The following RRP1 variants were observed in gnomAD, a reference collection of about 807,000 sequenced individuals.
RRP1 encodes the protein ribosomal RNA processing 1, also known as ribosomal RNA processing protein 1 homolog A.
RRP1 carries 37 observed loss-of-function variants against 54.6 expected under a neutral mutation model. The observed-to-expected ratio is 0.68, with a 90% CI of 0.52 to 0.89. The LOEUF is 0.89. RRP1 is among the 40% of genes least tolerant of loss of function. The pLI is 0.00. For missense variants in RRP1, 639 were observed against 612.5 expected, an observed-to-expected ratio of 1.04 and a Z score of -0.46; for synonymous variants, 262 against 244.3, an observed-to-expected ratio of 1.07 and a Z score of -0.67.
rs148406102 is a variant in RRP1 at position 43,792,596 on chromosome 21, T to G, written c.217-76T>G. ...ATGAGTGAGTGAGTGAGTGGGTGAG[T>G]GGGTGGTTGCGTGTGTGTCATTGTG... is the stretch of plus-strand genomic sequence containing the variant. On this transcript the variant is annotated intron_variant, in intron 2 of 12. Transcript: ENST00000497547. 2,275 of 1,384,632 alleles carry G rather than the reference T, an allele frequency of 1.6e-3. 34 individuals carry two copies. The African/African-American group carries it at 0.028, about 17-fold the overall frequency. The allele number at this position is 1,384,632 out of a possible 1,614,324, so 85.8% of individuals were successfully genotyped here. A position where few individuals can be genotyped will look rare whatever the true frequency, so the allele number is the denominator to read the frequency against.
At chr21:43,800,231 G>A (rs190124405) in intron 9 of RRP1, among the ~76,000 whole-genome samples, 62 of 152,380 alleles carry the variant, frequency 4.1e-4, no homozygotes, top group African/African-American at 1.0e-3. Flanking sequence ...GCTGCAGGCA[G>A]GCTACCGGCG....
rs183069899 is a variant in RRP1, at chr21:43,792,029, A to G, written c.216+597A>G. 1.9e-3 allele frequency among the ~76,000 whole-genome samples: 293 copies of G among 152,332 alleles called. 2 individuals carry two copies. Among genetic ancestry groups the G allele is most frequent in the African/African-American group, 6.7e-3 (280 of 41,572 alleles). On this transcript the variant is annotated intron_variant, in intron 2 of 12. Transcript: ENST00000497547. ...AACAAGTGCTGAAATAGTGGAAACCACGGGGCGGAATTCAAGTCTCCTGAG... is the reference window on the plus strand; with the variant it reads ...AACAAGTGCTGAAATAGTGGAAACCGCGGGGCGGAATTCAAGTCTCCTGAG...
chr21:43,790,768 TG>T (rs2084948603), intron 1 of RRP1: 1 of 294,730 alleles, frequency 3.4e-6, no homozygotes, highest in African/African-American at 2.2e-5. Flanking sequence ...TTGTATTTTT[TG>T]TACAAATTGG....
At chr21:43,790,286 G>A (rs889067432) in intron 1 of RRP1, among the ~76,000 whole-genome samples, 1 of 152,204 alleles carries the variant, frequency 6.6e-6, no homozygotes, top group Non-Finnish European at 1.5e-5. Context: ...GTTCTATGCC[G>A]GGCGCAGTGG....
chr21:43,794,928 C>T (rs3819604), intron 4 of RRP1, among the ~76,000 whole-genome samples: 1 of 136,882 alleles, frequency 7.3e-6, no homozygotes, highest in African/African-American at 2.5e-5. Context: ...TTACCCCCGA[C>T]CCCCCATGCA....
At chr21:43,798,187 T>G in intron 8 of RRP1, 87 bp downstream of exon 8, 1 of 1,142,052 alleles carries the variant, frequency 8.8e-7, no homozygotes, top group Non-Finnish European at 1.2e-6. Context: ...TCCTGCCACC[T>G]CCTACCTGGT....
At chr21:43,794,585 C>T (rs1286039518) in intron 4 of RRP1, among the ~76,000 whole-genome samples, 2 of 152,128 alleles carry the variant, frequency 1.3e-5, no homozygotes, top group Admixed American at 6.5e-5. Context: ...CAGCTCAGAC[C>T]CCACTCTGGG....
At chr21:43,799,367 C>T (rs1229290624) in intron 8 of RRP1, among the ~76,000 whole-genome samples, 1 of 151,018 alleles carries the variant, frequency 6.6e-6, no homozygotes, top group Non-Finnish European at 1.5e-5. Context: ...TCACATGGCA[C>T]CTAGTATCTG....
At chr21:43,789,876 CG>C in intron 1 of RRP1, 114 bp downstream of exon 1, 1 of 1,278,962 alleles carries the variant, frequency 7.8e-7, no homozygotes, top group Non-Finnish European at 1.0e-6. Context: ...TCCACGTGGC[CG>C]GGCCGGGCAG....
At chr21:43,801,825 C>T (rs916836150) in intron 11 of RRP1, among the ~76,000 whole-genome samples, 15 of 152,164 alleles carry the variant, frequency 9.9e-5, no homozygotes, top group Admixed American at 5.9e-4. Flanking sequence ...ACAGGTTGAG[C>T]GTCTCTAATC....
At chr21:43,800,649 C>A in intron 10 of RRP1, 35 bp downstream of exon 10, 1 of 1,600,082 alleles carries the variant, frequency 6.2e-7, no homozygotes, top group South Asian at 1.1e-5. Flanking sequence ...CTCCCTGCTC[C>A]CCTTGGAGTT....
At chr21:43,800,438 G>A in intron 9 of RRP1, 79 bp from the exon 10 acceptor site, 4 of 1,327,946 alleles carry the variant, frequency 3.0e-6, no homozygotes, top group Non-Finnish European at 4.3e-6. Context: ...AGTGCTATCT[G>A]GGTCTCAGGG....
rs1280600875 is a variant in RRP1 at position 43,805,168 on chromosome 21, C to G, written c.*1394C>G. 6.6e-6 allele frequency: 1 copy of G among 151,506 alleles called. No individual in the cohort carries two copies. The highest frequency in any genetic ancestry group is 6.6e-5 in the Admixed American group (1 of 15,156). 9.4% of individuals were successfully genotyped at this position (151,506 alleles called of 1,614,324 possible). ...GCACATGCCTGTAATCCCAGCTACT[C>G]GGGAGGCTGAGGCAGGAGAATTGCT... On this transcript the variant is annotated 3_prime_UTR_variant, in exon 13 of 13. Coordinates refer to ENST00000497547, the MANE Select transcript of RRP1 (RefSeq NM_003683.6).
intron 5 of RRP1, among the ~76,000 whole-genome samples, chr21:43,795,865 G>T (rs1382677260): frequency 6.6e-6 from 1 of 152,218 alleles, no homozygotes; most frequent in Non-Finnish European, 1.5e-5. Flanking sequence ...AAATTGGCTG[G>T]GCGCGGTGGC....
rs2070540 is a variant in RRP1, at chr21:43,804,227, A to G, written c.*453A>G. On this transcript the variant is annotated 3_prime_UTR_variant, in exon 13 of 13. Transcript: ENST00000497547. This position sits in a 1 kb window ranked among gnomAD's most constrained non-coding sequence, Gnocchi z 4.3. ...TGCAAGACATTTCTCCTTTCACAGA[A>G]CTGCCCAGGTGTTAACAGGGCTGTC... is the stretch of plus-strand genomic sequence containing the variant. 8,360 of 157,718 alleles carry G rather than the reference A, an allele frequency of 0.053. 299 individuals carry two copies. The highest frequency in any genetic ancestry group is 0.15 in the South Asian group (785 of 5,272). The allele number at this position is 157,718 out of a possible 1,614,324, so 9.8% of individuals were successfully genotyped here.
Position 43,803,928 on chromosome 21 carries a change from C to A in RRP1, c.*154C>A. The A allele has an allele frequency of 1.1e-6, 1 of 891,630 alleles. No individual in the cohort carries two copies. The highest frequency in any genetic ancestry group is 1.6e-6 in the Non-Finnish European group (1 of 608,880). The allele number at this position is 891,630 out of a possible 1,614,324, so 55.2% of individuals were successfully genotyped here. A position where few individuals can be genotyped will look rare whatever the true frequency, so the allele number is the denominator to read the frequency against. On this transcript the variant is annotated 3_prime_UTR_variant, in exon 13 of 13. Transcript: ENST00000497547. Reference sequence around the variant, plus strand: ...GGCGGCACTGGAGAGATGGGCCCATCATTAGGGGCCAGCATCCCAGGAACT... The same window carrying A: ...GGCGGCACTGGAGAGATGGGCCCATAATTAGGGGCCAGCATCCCAGGAACT...
rs748726676 is a variant in RRP1 at position 43,803,687 on chromosome 21, AAGG to A, written c.1304_1306del (p.Arg435del). On this transcript the variant is annotated inframe_deletion, in exon 13 of 13. Transcript: ENST00000497547. ...GTGGCCAGAGAGGGGCTCGCCAGAG[AAGG>A]AGGACACCTCGGCCCCTGACCAGTG... The A allele has an allele frequency of 2.6e-6, 4 of 1,553,694 alleles. No individual in the cohort carries two copies. Among genetic ancestry groups the A allele is most frequent in the Non-Finnish European group, 3.5e-6 (4 of 1,148,976 alleles).
intron 5 of RRP1, among the ~76,000 whole-genome samples, chr21:43,796,878 C>T (rs2838377): frequency 0.052 from 7,896 of 152,276 alleles, 275 homozygotes; most frequent in South Asian, 0.15. Context: ...CCATCAAACC[C>T]GCCTGCCAGG....
chr21:43,791,256 T>G (rs1401702080), intron 1 of RRP1, 94 bp from the exon 2 acceptor site: 2 of 1,300,828 alleles, frequency 1.5e-6, no homozygotes, highest in African/African-American at 2.9e-5. Flanking sequence ...AGTGGGACTT[T>G]GGTCTCATTC....
Sources: gnomAD v4.1 joint callset for allele counts (sites outside exome capture counted in the v4.1 genomes callset) on GRCh38, gnomAD v4.1.1 for gene constraint, Gnocchi (gnomAD v3.1) non-coding constraint, MANE v1.5 for transcripts, NCBI Gene and HGNC (gene_info 2026-07-23, HGNC 2026-07-21) for gene names.